TMEM97: variants seen among roughly 807,000 people sequenced by gnomAD.
The protein encoded by TMEM97 is sigma intracellular receptor 2.
A neutral mutation model predicts 18.3 loss-of-function variants in TMEM97; 13 were observed. That is an observed-to-expected ratio of 0.71 (90% CI 0.46 to 1.13). The LOEUF (loss-of-function observed/expected upper bound fraction) is 1.13, where lower values mean the gene tolerates loss of function less well. Ranked by LOEUF, TMEM97 falls within the 50% of genes most tolerant of loss-of-function variation. The probability of loss-of-function intolerance (pLI) is 0.00; values close to 1 mark genes in which losing one functional copy is unlikely to be tolerated. For synonymous variants in TMEM97, 76 were observed against 85.3 expected (o/e 0.89, Z 0.60); for missense variants, 205 against 210.5 (o/e 0.97, Z 0.16).
Position 28,326,756 on chromosome 17 carries a change from C to A in TMEM97, c.494C>A (p.Pro165His). The change falls in exon 3 of 3, where the codon CCC (proline) becomes CAC (histidine). Residue 165 changes from proline to histidine, a missense_variant. Coordinates refer to ENST00000226230, the MANE Select transcript of TMEM97 (RefSeq NM_014573.3). ...CTTTTAATTTTCATGTTGCGGAGCC[C>A]CTACTACAAGTATGAAGAGAAAAGA... ...FILLIFMLRS[P>H]YYKYEEKRKK... is the part of the protein sequence containing the mutation. 6.2e-7 allele frequency: 1 copy of A among 1,613,838 alleles called. No homozygotes were observed.
chr17:28,320,613 G>T (rs1906105858), intron 1 of TMEM97, among the ~76,000 whole-genome samples: 1 of 152,192 alleles, frequency 6.6e-6, no homozygotes, highest in Non-Finnish European at 1.5e-5. Flanking sequence ...TACAGGGTGG[G>T]TTAGTTTTCA....
Position 28,326,599 on chromosome 17 carries a change from C to A in TMEM97, c.337C>A (p.Pro113Thr). The A allele has an allele frequency of 6.2e-7, 1 of 1,614,178 alleles. No homozygotes were observed. Among genetic ancestry groups the A allele is most frequent in the Non-Finnish European group, 8.5e-7 (1 of 1,180,030 alleles). Residue 113 changes from proline to threonine, a missense_variant, in exon 3 of 3, where the codon CCG (proline) becomes ACG (threonine). Transcript: ENST00000226230. ...YSVHTMTTLI[P>T]ILSTFLFEDF... is the part of the protein sequence containing the mutation. Reference sequence around the variant, plus strand: ...TGTTCACACCATGACAACCTTAATTCCGATACTCTCCACATTTCTGTTTGA... The same window carrying A: ...TGTTCACACCATGACAACCTTAATTACGATACTCTCCACATTTCTGTTTGA...
At chr17:28,321,236 G>A (rs1906129989) in intron 1 of TMEM97, among the ~76,000 whole-genome samples, 1 of 152,134 alleles carries the variant, frequency 6.6e-6, no homozygotes, top group African/African-American at 2.4e-5. Context: ...TACAATCTCT[G>A]GTGTTATAGG....
In TMEM97 at chr17:28,319,269, G is replaced by C. The variant is rs1555574655; in HGVS notation, c.30G>C (p.Val10=). The change falls in exon 1 of 3, where the codon GTG becomes GTC. Residue 10 remains valine, a synonymous_variant. Transcript: ENST00000226230. ...GGGCTCCGGCAACCAGGCGCTGCGT[G>C]GAGTGGCTGCTGGGCCTCTACTTCC... MGAPATRRC[V]EWLLGLYFLS... is the part of the protein sequence containing the mutation. The C allele has an allele frequency of 6.2e-7, 1 of 1,610,148 alleles. No individual in the cohort carries two copies. The highest frequency in any genetic ancestry group is 8.5e-7 in the Non-Finnish European group (1 of 1,178,384).
intron 1 of TMEM97, among the ~76,000 whole-genome samples, chr17:28,322,274 GTC>G (rs1434929626): frequency 4.7e-5 from 7 of 150,192 alleles, no homozygotes; most frequent in African/African-American, 1.7e-4. Context: ...TTTTGAGACA[GTC>G]TCTTGTCGCC....
intron 1 of TMEM97, among the ~76,000 whole-genome samples, chr17:28,323,343 C>CTATGTACTG (rs1555575111): frequency 2.0e-5 from 3 of 151,952 alleles, no homozygotes; most frequent in African/African-American, 7.3e-5. Flanking sequence ...CTGTACAAGT[C>CTATGTACTG]TGCCTCAGTT....
Position 28,328,152 on chromosome 17 carries a change from A to G in TMEM97, c.*1359A>G, listed in dbSNP as rs1414071051. ...CCCTCTATTTTCACCCATTTTGCTC[A>G]CAAGCCATATTGGCCCGATTAGTGG... On this transcript the variant is annotated 3_prime_UTR_variant, in exon 3 of 3. Transcript: ENST00000226230. The G allele has an allele frequency of 6.5e-6, 1 of 154,310 alleles. No individual in the cohort carries two copies. Among genetic ancestry groups the G allele is most frequent in the Non-Finnish European group, 1.4e-5 (1 of 69,384 alleles). The allele number at this position is 154,310 out of a possible 1,614,324, so 9.6% of individuals were successfully genotyped here. A position where few individuals can be genotyped will look rare whatever the true frequency, so the allele number is the denominator to read the frequency against.
chr17:28,321,799 C>CGTGTGTGTGT (rs1567775073), intron 1 of TMEM97, among the ~76,000 whole-genome samples: 1 of 106,094 alleles, frequency 9.4e-6, no homozygotes, highest in African/African-American at 3.7e-5. Context: ...CTGGCCAGAA[C>CGTGTGTGTGT]CTGTGTGTGT....
intron 1 of TMEM97, among the ~76,000 whole-genome samples, chr17:28,325,057 A>G (rs1906279918): frequency 6.6e-6 from 1 of 151,968 alleles, no homozygotes; most frequent in Non-Finnish European, 1.5e-5. Context: ...TGCCATTACA[A>G]AAGGGAAAGT....
Position 28,326,680 on chromosome 17 carries a change from C to T in TMEM97, c.418C>T (p.Arg140Trp), listed in dbSNP as rs782357430. The T allele has an allele frequency of 4.3e-6, 7 of 1,614,022 alleles. No individual in the cohort carries two copies. The East Asian group carries it at 6.7e-5, about 15-fold the overall frequency. Residue 140 changes from arginine to tryptophan, a missense_variant, in exon 3 of 3, where the codon CGG becomes TGG. Coordinates refer to ENST00000226230, the MANE Select transcript of TMEM97 (RefSeq NM_014573.3). ...ACAAAGACCTGAGACTTTGCATGAA[C>T]GGTTAACCCTTGTGTCTGTCTATGC... ...KGQRPETLHE[R>W]LTLVSVYAPY... is the part of the protein sequence containing the mutation.
At position 28,327,054 on chromosome 17, in the gene TMEM97, C is replaced by T; in HGVS notation, c.*261C>T. On this transcript the variant is annotated 3_prime_UTR_variant, in exon 3 of 3. Transcript: ENST00000226230. ...GATCTCGGCTCACTGCAACCTCCGC[C>T]TCCTGGGCTCAAGCCATCTTCCTTA... 1 of 435,366 alleles carries T rather than the reference C, an allele frequency of 2.3e-6. No individual in the cohort carries two copies. 27.0% of individuals were successfully genotyped at this position (435,366 alleles called of 1,614,324 possible). A position where few individuals can be genotyped will look rare whatever the true frequency, so the allele number is the denominator to read the frequency against.
chr17:28,321,916 G>T (rs555368898), intron 1 of TMEM97, among the ~76,000 whole-genome samples: 2 of 151,848 alleles, frequency 1.3e-5, no homozygotes, highest in East Asian at 3.9e-4. Context: ...ATGTTTGAAG[G>T]CATTAGCTCG....
chr17:28,326,992 ACT>A lies in TMEM97; in HGVS notation c.*202_*203del. ...TTTTTTTTTTTTTTAAGACAGTCTC[ACT>A]CTGTTGCCCAGGCTGGAGTAAAGGG... On this transcript the variant is annotated 3_prime_UTR_variant, in exon 3 of 3. Transcript: ENST00000226230. 1.6e-6 allele frequency: 1 copy of A among 610,852 alleles called. No individual in the cohort carries two copies. Among genetic ancestry groups the A allele is most frequent in the South Asian group, 2.1e-5 (1 of 47,930 alleles). 37.8% of individuals were successfully genotyped at this position (610,852 alleles called of 1,614,324 possible). A position where few individuals can be genotyped will look rare whatever the true frequency, so the allele number is the denominator to read the frequency against.
chr17:28,319,612 G>A (rs1368864018), intron 1 of TMEM97: 3 of 403,876 alleles, frequency 7.4e-6, no homozygotes, highest in Non-Finnish European at 1.3e-5. Context: ...TCTTCCCTGG[G>A]TTTAAGGTTT....
chr17:28,326,692 G>T lies in TMEM97; in HGVS notation c.430G>T (p.Val144Leu). The change falls in exon 3 of 3, where the codon GTG (valine) becomes TTG (leucine). Residue 144 changes from valine (V) to leucine (L), a missense_variant. Transcript: ENST00000226230. ...PETLHERLTLVSVYAPYLLIP... is the reference protein window; with the variant it reads ...PETLHERLTLLSVYAPYLLIP... ...GACTTTGCATGAACGGTTAACCCTT[G>T]TGTCTGTCTATGCCCCCTACTTACT... 1 of 1,613,984 alleles carries T rather than the reference G, an allele frequency of 6.2e-7. No homozygotes were observed. The highest frequency in any genetic ancestry group is 1.1e-5 in the South Asian group (1 of 91,078).
At position 28,319,280 on chromosome 17, in the gene TMEM97, T is replaced by A; in HGVS notation, c.41T>A (p.Leu14Gln). ...PATRRCVEWLLGLYFLSHIPI... is the reference protein window; with the variant it reads ...PATRRCVEWLQGLYFLSHIPI... ...ACCAGGCGCTGCGTGGAGTGGCTGC[T>A]GGGCCTCTACTTCCTCAGCCACATC... The change falls in exon 1 of 3, where the codon CTG becomes CAG. Residue 14 changes from leucine to glutamine, a missense_variant. Leu to Gln is a moderately radical substitution (Grantham distance 113). Transcript: ENST00000226230. 1.2e-6 allele frequency: 2 copies of A among 1,610,498 alleles called. No individual in the cohort carries two copies. The highest frequency in any genetic ancestry group is 1.7e-6 in the Non-Finnish European group (2 of 1,178,658).
rs1014247359 is a variant in TMEM97, at chr17:28,328,566, A to G, written c.*1773A>G. On this transcript the variant is annotated 3_prime_UTR_variant, in exon 3 of 3. Coordinates refer to ENST00000226230, the MANE Select transcript of TMEM97 (RefSeq NM_014573.3). The stretch of plus-strand genomic sequence containing the variant: ...CTCTTGTGACATAGGTCATTGGTCA[A>G]GCCGCTGGAATGCTACAGAGGTTTT... 8 of 815,338 alleles carry G rather than the reference A, an allele frequency of 9.8e-6. No homozygotes were observed. The Admixed American group carries it at 1.3e-4, about 13-fold the overall frequency. 50.5% of individuals were successfully genotyped at this position (815,338 alleles called of 1,614,324 possible). A position where few individuals can be genotyped will look rare whatever the true frequency, so the allele number is the denominator to read the frequency against.
chr17:28,319,999 G>T (rs1426699516), intron 1 of TMEM97, among the ~76,000 whole-genome samples: 1 of 152,192 alleles, frequency 6.6e-6, no homozygotes, highest in Non-Finnish European at 1.5e-5. Flanking sequence ...TTGTTGGAGA[G>T]CATTCTTTCA....
chr17:28,324,454 G>T (rs1555575230), intron 1 of TMEM97, among the ~76,000 whole-genome samples: 1 of 152,130 alleles, frequency 6.6e-6, no homozygotes, highest in Non-Finnish European at 1.5e-5. Flanking sequence ...AAATATTCTT[G>T]GATTTTCCAT....
Sources: gnomAD v4.1 joint callset for allele counts (sites outside exome capture counted in the v4.1 genomes callset) on GRCh38, gnomAD v4.1.1 for gene constraint, MANE v1.5 for transcripts, NCBI Gene and HGNC (gene_info 2026-07-23, HGNC 2026-07-21) for gene names.